EXOC4: variants seen among roughly 807,000 people sequenced by gnomAD.
EXOC4 encodes the protein exocyst complex component 4.
EXOC4 carries 71 observed loss-of-function variants against 107.2 expected under a neutral mutation model. The observed-to-expected ratio is 0.66, with a 90% CI of 0.55 to 0.81. The LOEUF (loss-of-function observed/expected upper bound fraction) is 0.81, where lower values mean the gene tolerates loss of function less well. Ranked by LOEUF, EXOC4 falls within the 30% of genes least tolerant of loss-of-function variation. The pLI, the probability that EXOC4 is intolerant of heterozygous loss-of-function variation, is 0.00. For synonymous variants in EXOC4, 456 were observed against 441.2 expected (o/e 1.03, Z -0.42); for missense variants, 1,108 against 1,189.6 (o/e 0.93, Z 1.01).
At chr7:133,537,307 C>CG (rs1216757411) in intron 9 of EXOC4, among the ~76,000 whole-genome samples, 14 of 139,886 alleles carry the variant, frequency 1.0e-4, no homozygotes, top group Admixed American at 8.3e-4. Context: ...CCCCCCCCCC[C>CG]ACCACACCTG....
chr7:133,739,264 A>G (rs201396324), intron 10 of EXOC4, among the ~76,000 whole-genome samples: 199 of 86,662 alleles, frequency 2.3e-3, no homozygotes, highest in East Asian at 3.4e-3. Context: ...GTGTGTGTGT[A>G]TAAAAAGAGA....
chr7:133,662,791 G>A (rs1203202165), intron 10 of EXOC4, among the ~76,000 whole-genome samples: 1 of 152,100 alleles, frequency 6.6e-6, no homozygotes, highest in Non-Finnish European at 1.5e-5. Context: ...ATTTTGCCTA[G>A]GAAGTATTTT....
intron 9 of EXOC4, among the ~76,000 whole-genome samples, chr7:133,581,382 C>T (rs943654835): frequency 6.6e-6 from 1 of 152,158 alleles, no homozygotes; most frequent in African/African-American, 2.4e-5. Context: ...CAGATAATTT[C>T]ATCATTCAGA....
intron 6 of EXOC4, among the ~76,000 whole-genome samples, chr7:133,368,249 G>A (rs576898288): frequency 6.6e-6 from 1 of 152,304 alleles, no homozygotes; most frequent in East Asian, 1.9e-4. Flanking sequence ...GAATCACAGA[G>A]GAAAGAGAGA....
intron 10 of EXOC4, among the ~76,000 whole-genome samples, chr7:133,716,386 A>G (rs754041587): frequency 1.2e-4 from 19 of 152,236 alleles, no homozygotes; most frequent in Non-Finnish European, 2.4e-4. Flanking sequence ...CAACCTATGT[A>G]TACAGATAAG....
Position 133,253,178 on chromosome 7 carries a change from C to T in EXOC4, c.77C>T (p.Ser26Phe). ...AAAGACCCCTCGGGGCTGCTCATCTCTGTGATCAGGTGAGGGAGGCAGGAG... is the reference window on the plus strand; with the variant it reads ...AAAGACCCCTCGGGGCTGCTCATCTTTGTGATCAGGTGAGGGAGGCAGGAG... Reference protein sequence around the residue: ...KSKDPSGLLISVIRTLSTSDD... With the variant: ...KSKDPSGLLIFVIRTLSTSDD... Residue 26 changes from serine to phenylalanine, a missense_variant, in exon 1 of 18, where the codon TCT (serine) becomes TTT (phenylalanine). By Grantham distance (155) the Ser-to-Phe change is radical (BLOSUM62 -2). Coordinates refer to ENST00000253861, the MANE Select transcript of EXOC4 (RefSeq NM_021807.4). The T allele has an allele frequency of 6.2e-7, 1 of 1,614,104 alleles. No homozygotes were observed. Among genetic ancestry groups the T allele is most frequent in the South Asian group, 1.1e-5 (1 of 91,084 alleles).
chr7:133,601,574 G>A (rs1801808082), intron 9 of EXOC4, among the ~76,000 whole-genome samples: 1 of 152,040 alleles, frequency 6.6e-6, no homozygotes, highest in African/African-American at 2.4e-5. Flanking sequence ...CCATCTTCAT[G>A]TTCCTTTCCC....
At position 133,317,353 on chromosome 7, in the gene EXOC4, T is replaced by C. The variant is rs150448728; in HGVS notation, c.726T>C (p.Leu242=). Residue 242 remains leucine, a synonymous_variant, in exon 5 of 18, where the codon CTT becomes CTC. Coordinates refer to ENST00000253861, the MANE Select transcript of EXOC4 (RefSeq NM_021807.4). ...VTNLPTPRKF[L]DTSHYSTAGS... is the part of the protein sequence containing the mutation. The stretch of plus-strand genomic sequence containing the variant: ...ACCTCCCTACTCCTCGAAAATTCCT[T>C]GATACCTCTCACTATTCTACTGCTG... 87 of 1,612,760 alleles carry C rather than the reference T, an allele frequency of 5.4e-5. No individual in the cohort carries two copies. Among genetic ancestry groups the C allele is most frequent in the Non-Finnish European group, 7.0e-5 (83 of 1,178,910 alleles).
At chr7:133,911,626 G>T (rs1401330107) in intron 12 of EXOC4, among the ~76,000 whole-genome samples, 2 of 152,216 alleles carry the variant, frequency 1.3e-5, no homozygotes, top group Non-Finnish European at 1.5e-5. Flanking sequence ...AAATAATGTG[G>T]GTACCTTTAA....
intron 7 of EXOC4, among the ~76,000 whole-genome samples, chr7:133,418,639 C>G (rs1031963032): frequency 2.0e-5 from 3 of 152,132 alleles, no homozygotes; most frequent in African/African-American, 7.2e-5. Flanking sequence ...ATACACGACC[C>G]ACCTCCTGAG....
chr7:133,887,346 G>A (rs184847737), intron 11 of EXOC4, among the ~76,000 whole-genome samples: 24 of 152,184 alleles, frequency 1.6e-4, no homozygotes, highest in Admixed American at 1.1e-3. Context: ...TTTATTAATC[G>A]TATTGTCCTG....
rs976146259 is a variant in EXOC4 at position 133,704,556 on chromosome 7, T to C, written c.1514+74415T>C. Among the ~76,000 whole-genome samples, 32 of 152,300 alleles carry C rather than the reference T, an allele frequency of 2.1e-4. 1 individual carries two copies. Among genetic ancestry groups the C allele is most frequent in the African/African-American group, 7.0e-4 (29 of 41,564 alleles). On this transcript the variant is annotated intron_variant, in intron 10 of 17. Coordinates refer to ENST00000253861, the MANE Select transcript of EXOC4 (RefSeq NM_021807.4). ...ACAGAGCAGAGAATAAGCACAAAAA[T>C]ACAGTGAGTAATGCACGTAGGTCTT... is the stretch of plus-strand genomic sequence containing the variant.
chr7:134,100,157 G>A, the EXOC4 span, among the ~76,000 whole-genome samples: 3,006 of 152,192 alleles, frequency 0.02, 102 homozygotes, highest in African/African-American at 0.069. Flanking sequence ...CTTGTTAATG[G>A]GTGAGGAAAA....
At chr7:133,817,175 C>T (rs1460858187) in intron 10 of EXOC4, 150 bp from the exon 11 acceptor site, 2 of 536,108 alleles carry the variant, frequency 3.7e-6, no homozygotes, top group Non-Finnish European at 6.6e-6. Flanking sequence ...TAGATTTTTA[C>T]AAGATTAAAA....
intron 9 of EXOC4, among the ~76,000 whole-genome samples, chr7:133,612,852 G>C (rs1324079695): frequency 1.3e-5 from 2 of 152,148 alleles, no homozygotes; most frequent in Admixed American, 1.3e-4. Flanking sequence ...TTTTAGACAT[G>C]AACAACTAAA....
At chr7:133,896,158 G>T (rs1034841632) in intron 12 of EXOC4, among the ~76,000 whole-genome samples, 1 of 152,098 alleles carries the variant, frequency 6.6e-6, no homozygotes, top group Admixed American at 6.6e-5. Context: ...TTAATTTGTA[G>T]CATTCCTACT....
chr7:133,392,273 T>G (rs1279176876), intron 7 of EXOC4, among the ~76,000 whole-genome samples: 1 of 152,148 alleles, frequency 6.6e-6, no homozygotes, highest in African/African-American at 2.4e-5. Context: ...GGAAGAAATT[T>G]TATCTCTTGT....
chr7:133,661,684 A>C (rs1266474434), intron 10 of EXOC4, among the ~76,000 whole-genome samples: 3 of 107,552 alleles, frequency 2.8e-5, no homozygotes, highest in South Asian at 3.5e-4. Flanking sequence ...AAAAAAAAAA[A>C]AAAACAAAAA....
At chr7:133,636,663 G>A (rs1802719610) in intron 10 of EXOC4, among the ~76,000 whole-genome samples, 1 of 152,194 alleles carries the variant, frequency 6.6e-6, no homozygotes, top group South Asian at 2.1e-4. Flanking sequence ...ACTGATGCTG[G>A]TTCTGTTGAA....
Sources: allele counts gnomAD v4.1 joint callset (sites outside exome capture counted in the v4.1 genomes callset), GRCh38; gene constraint gnomAD v4.1.1; transcripts MANE v1.5; gene names NCBI Gene and HGNC (gene_info 2026-07-23, HGNC 2026-07-21).